The following OR14A2 variants were observed in gnomAD, a reference collection of about 807,000 sequenced individuals.
The protein encoded by OR14A2 is olfactory receptor 14A2.
For synonymous variants in OR14A2, 114 were observed against 58.6 expected, an observed-to-expected ratio of 1.95 and a Z score of -4.32; for missense variants, 237 against 152.9, an observed-to-expected ratio of 1.55 and a Z score of -2.90.
the OR14A2 span, chr1:247,738,773 C>T: frequency 5.1e-6 from 4 of 780,680 alleles, no homozygotes; most frequent in African/African-American, 3.4e-5. Context: ...ACCATCGTCT[C>T]CACATGGCAA....
the OR14A2 span, chr1:247,738,896 G>T: frequency 1.3e-6 from 1 of 780,636 alleles, no homozygotes; most frequent in Admixed American, 1.7e-5. Flanking sequence ...CCTTCCTGGG[G>T]TGTGTGTTGC....
At chr1:247,747,507 G>A in the OR14A2 span, among the ~76,000 whole-genome samples, 4 of 151,798 alleles carry the variant, frequency 2.6e-5, no homozygotes, top group Admixed American at 1.3e-4. Context: ...AACTACAGGC[G>A]CTCGCCACCA....
At chr1:247,745,991 A>G in the OR14A2 span, among the ~76,000 whole-genome samples, 2 of 152,214 alleles carry the variant, frequency 1.3e-5, no homozygotes, top group Non-Finnish European at 2.9e-5. Context: ...TTAACCAATT[A>G]GGAGAATCAC....
chr1:247,727,496 C>T (rs1660404196), upstream of OR14A2, among the ~76,000 whole-genome samples: 1 of 151,944 alleles, frequency 6.6e-6, no homozygotes, highest in African/African-American at 2.4e-5. Context: ...GACACCCTAA[C>T]ATCACAATTA....
chr1:247,739,391 G>T, the OR14A2 span: 5,279 of 780,706 alleles, frequency 6.8e-3, 191 homozygotes, highest in African/African-American at 0.076. Flanking sequence ...CTTATTTAAA[G>T]CCAGGGTCTG....
the OR14A2 span, among the ~76,000 whole-genome samples, chr1:247,745,859 A>C: frequency 6.6e-6 from 1 of 152,164 alleles, no homozygotes; most frequent in Non-Finnish European, 1.5e-5. Flanking sequence ...AAAAGTTGAA[A>C]TAATCTGTTT....
chr1:247,725,013 A>T (rs1660302755), upstream of OR14A2, among the ~76,000 whole-genome samples: 1 of 152,010 alleles, frequency 6.6e-6, no homozygotes, highest in African/African-American at 2.4e-5. Context: ...GATGGTAGAG[A>T]TTTAAAAAAT....
chr1:247,727,349 T>A (rs1244462625), upstream of OR14A2, among the ~76,000 whole-genome samples: 1 of 149,886 alleles, frequency 6.7e-6, no homozygotes, highest in Non-Finnish European at 1.5e-5. Flanking sequence ...GTTGTTGGTA[T>A]GTAAGAATGC....
At chr1:247,740,638 T>C in the OR14A2 span, among the ~76,000 whole-genome samples, 1 of 152,242 alleles carries the variant, frequency 6.6e-6, no homozygotes, top group Non-Finnish European at 1.5e-5. Flanking sequence ...TGATAAATTA[T>C]ACATTTTCTG....
At chr1:247,737,065 G>A in the OR14A2 span, among the ~76,000 whole-genome samples, 1 of 152,162 alleles carries the variant, frequency 6.6e-6, no homozygotes, top group African/African-American at 2.4e-5. Flanking sequence ...CTAAAATGCT[G>A]TGATTACCGG....
At chr1:247,723,967 C>G (rs1425638427) in exon 1 of OR14A2, 1 of 716,108 alleles carries the variant, frequency 1.4e-6, no homozygotes, top group African/African-American at 1.8e-5. Context: ...GAAGAGCACA[C>G]CATATAAAAT....
the OR14A2 span, among the ~76,000 whole-genome samples, chr1:247,740,511 A>ATTTTTCTCTTCATTAAAACTTC: frequency 2.6e-5 from 4 of 152,084 alleles, no homozygotes; most frequent in Non-Finnish European, 5.9e-5. Context: ...GGAGTAGAAT[A>ATTTTTCTCTTCATTAAAACTTC]TTTTTCTCTT....
chr1:247,745,064 A>G, the OR14A2 span, among the ~76,000 whole-genome samples: 2 of 152,264 alleles, frequency 1.3e-5, no homozygotes, highest in African/African-American at 2.4e-5. Flanking sequence ...TTGCACTTCA[A>G]TGCGTTTCTT....
chr1:247,725,240 G>A (rs1660309467), upstream of OR14A2, among the ~76,000 whole-genome samples: 1 of 152,084 alleles, frequency 6.6e-6, no homozygotes, highest in Non-Finnish European at 1.5e-5. Context: ...AAGATCTGTA[G>A]AGAAGATGCT....
At chr1:247,737,819 A>T in the OR14A2 span, among the ~76,000 whole-genome samples, 141 of 152,264 alleles carry the variant, frequency 9.3e-4, no homozygotes, top group African/African-American at 3.3e-3. Flanking sequence ...TCTATCACAT[A>T]AGAGGACACA....
the OR14A2 span, among the ~76,000 whole-genome samples, chr1:247,729,757 C>T: frequency 5.9e-4 from 90 of 152,082 alleles, 3 homozygotes; most frequent in Non-Finnish European, 2.5e-4. Context: ...ATACTATTCT[C>T]AATGAAATGT....
upstream of OR14A2, among the ~76,000 whole-genome samples, chr1:247,728,372 A>G (rs1232646127): frequency 6.6e-6 from 1 of 152,158 alleles, no homozygotes; most frequent in East Asian, 1.9e-4. Context: ...AAAATTCAAC[A>G]ACCCTTCATG....
chr1:247,734,245 G>C, the OR14A2 span, among the ~76,000 whole-genome samples: 3 of 152,160 alleles, frequency 2.0e-5, no homozygotes, highest in Non-Finnish European at 2.9e-5. Flanking sequence ...CGCATGCACA[G>C]AGACGACCAG....
chr1:247,732,806 T>C, the OR14A2 span, among the ~76,000 whole-genome samples: 1 of 152,286 alleles, frequency 6.6e-6, no homozygotes, highest in African/African-American at 2.4e-5. Context: ...GGATGAATCT[T>C]GGATGCATTT....
Sources: gnomAD v4.1 joint callset for allele counts (sites outside exome capture counted in the v4.1 genomes callset) on GRCh38, gnomAD v4.1.1 for gene constraint, MANE v1.5 for transcripts, NCBI Gene and HGNC (gene_info 2026-07-23, HGNC 2026-07-21) for gene names.